The following ALK variants were observed in gnomAD, a reference collection of about 807,000 sequenced individuals.
The protein encoded by ALK is ALK tyrosine kinase receptor.
ALK carries 74 observed loss-of-function variants against 163.1 expected under a neutral mutation model. The ratio of observed to expected loss-of-function variants is 0.45; its 90% CI spans 0.38 to 0.55. The LOEUF (loss-of-function observed/expected upper bound fraction) is 0.55, where lower values mean the gene tolerates loss of function less well. Among genes scored for constraint, ALK ranks in the 20% least tolerant of loss-of-function variants. The pLI, the probability that ALK is intolerant of heterozygous loss-of-function variation, is 0.00. For synonymous variants in ALK, 960 were observed against 843.2 expected, an observed-to-expected ratio of 1.14 and a Z score of -2.40; for missense variants, 2,063 against 2,105.3, an observed-to-expected ratio of 0.98 and a Z score of 0.39.
intron 3 of ALK, among the ~76,000 whole-genome samples, chr2:29,569,660 ACAAT>A (rs1331903372): frequency 2.0e-5 from 3 of 152,212 alleles, no homozygotes; most frequent in East Asian, 1.9e-4. Flanking sequence ...CATCACTCAA[ACAAT>A]CAAAGGGCAC....
rs565766065 is a variant in ALK at position 29,201,325 on chromosome 2, A to G, written c.3939-3649T>C. On this transcript the variant is annotated intron_variant, in intron 26 of 28. Coordinates refer to ENST00000389048, the MANE Select transcript of ALK (RefSeq NM_004304.5). ...CTCAAATTTAACATGCCCAAACGGA[A>G]CTCCTTCTGAACCCACACCATCTCC... 4.0e-5 allele frequency among the ~76,000 whole-genome samples: 6 copies of G among 151,864 alleles called. No homozygotes were observed. The East Asian group carries it at 1.2e-3, about 29-fold the overall frequency.
chr2:29,834,746 G>T (rs1001378638), intron 1 of ALK, among the ~76,000 whole-genome samples: 1 of 152,154 alleles, frequency 6.6e-6, no homozygotes, highest in African/African-American at 2.4e-5. Flanking sequence ...ATTGGCAGTT[G>T]GTCCCAAACC....
chr2:29,486,711 G>T (rs1464940886), intron 4 of ALK, among the ~76,000 whole-genome samples: 1 of 152,142 alleles, frequency 6.6e-6, no homozygotes. Context: ...CTTTCACAGT[G>T]TGTTTTGTCT....
chr2:29,534,597 C>A (rs1050188813), intron 3 of ALK, among the ~76,000 whole-genome samples: 81 of 152,176 alleles, frequency 5.3e-4, no homozygotes, highest in African/African-American at 1.9e-3. Context: ...GAGTAGAAAC[C>A]AGGAGTTTTC....
At position 29,763,690 on chromosome 2, in the gene ALK, G is replaced by A. The variant is rs138252400; in HGVS notation, c.668-45993C>T. On this transcript the variant is annotated intron_variant, in intron 1 of 28. Transcript: ENST00000389048. ...TAGCGAGGATTGAGGGTGCTGTCCC[G>A]CTGCCCCTTTCCTATCAGCTTTGAG... Among the ~76,000 whole-genome samples the A allele has an allele frequency of 3.6e-3, 553 of 152,172 alleles. 2 individuals carry two copies. Among genetic ancestry groups the A allele is most frequent in the Non-Finnish European group, 6.2e-3 (420 of 67,992 alleles).
chr2:29,211,689 T>C (rs1323212236), intron 24 of ALK, among the ~76,000 whole-genome samples: 1 of 152,240 alleles, frequency 6.6e-6, no homozygotes, highest in Non-Finnish European at 1.5e-5. Context: ...GGCAACTCTG[T>C]TGTGGGTATG....
At chr2:29,868,900 C>T (rs945286760) in intron 1 of ALK, among the ~76,000 whole-genome samples, 1 of 152,128 alleles carries the variant, frequency 6.6e-6, no homozygotes. Flanking sequence ...CTCCTGGCAC[C>T]CTTACTCTTG....
At position 29,532,115 on chromosome 2, in the gene ALK, G is replaced by A. The variant is rs1045878688; in HGVS notation, c.954C>T (p.Gly318=). ...GAERSKEMPR[G]SFLLLNTSAD... is the part of the protein sequence containing the mutation. ...CTGAGGTGTTGAGAAGGAGAAAGGA[G>A]CCTGGAAAGAGACAGGGAAAACGAA... The change falls in exon 4 of 29, where the codon GGC becomes GGT. Residue 318 remains glycine, a splice_region_variant and synonymous_variant. Coordinates refer to ENST00000389048, the MANE Select transcript of ALK (RefSeq NM_004304.5). 2 of 1,613,984 alleles carry A rather than the reference G, an allele frequency of 1.2e-6. No homozygotes were observed. Among genetic ancestry groups the A allele is most frequent in the Non-Finnish European group, 1.7e-6 (2 of 1,179,942 alleles).
chr2:29,669,321 T>C (rs1346265858), intron 3 of ALK, among the ~76,000 whole-genome samples: 1 of 152,116 alleles, frequency 6.6e-6, no homozygotes, highest in African/African-American at 2.4e-5. Context: ...TATCCTCTTC[T>C]TGAATTTGAC....
intron 2 of ALK, among the ~76,000 whole-genome samples, chr2:29,699,952 G>A (rs1031789191): frequency 6.6e-6 from 1 of 152,224 alleles, no homozygotes; most frequent in Admixed American, 6.5e-5. Flanking sequence ...CCTGCACAGA[G>A]CAGCTGAGAC....
intron 3 of ALK, among the ~76,000 whole-genome samples, chr2:29,648,531 G>A (rs1478602310): frequency 1.3e-5 from 2 of 151,964 alleles, no homozygotes; most frequent in African/African-American, 4.8e-5. Context: ...CCTAGTCTCT[G>A]GCAATCATCA....
intron 1 of ALK, among the ~76,000 whole-genome samples, chr2:29,745,019 A>G (rs57508822): frequency 0.063 from 9,639 of 152,210 alleles, 804 homozygotes; most frequent in African/African-American, 0.19. Flanking sequence ...CACGTATGCC[A>G]AAGATGTCTT....
chr2:29,828,174 G>C (rs1444839113), intron 1 of ALK, among the ~76,000 whole-genome samples: 1 of 152,170 alleles, frequency 6.6e-6, no homozygotes, highest in Non-Finnish European at 1.5e-5. Flanking sequence ...ATTCGAGATG[G>C]ATTAAAGACT....
In ALK at chr2:29,296,896, C is replaced by T. The variant is rs141025125; in HGVS notation, c.1809G>A (p.Val603=). ...AGATGCATAGAGCCTACCTGTCAGA[C>T]ACATCGAGGAGAGGCAACACCATCC... ...WQWMVLPLLD[V]SDRFWLQMVA... The change falls in exon 9 of 29, where the codon GTG becomes GTA. Residue 603 remains valine, a synonymous_variant. Transcript: ENST00000389048. 6.2e-7 allele frequency: 1 copy of T among 1,614,020 alleles called. No homozygotes were observed. Among genetic ancestry groups the T allele is most frequent in the Non-Finnish European group, 8.5e-7 (1 of 1,180,020 alleles).
intron 23 of ALK, among the ~76,000 whole-genome samples, chr2:29,218,403 C>T (rs1162679623): frequency 6.6e-6 from 1 of 152,142 alleles, no homozygotes; most frequent in Admixed American, 6.5e-5. Flanking sequence ...TGGGGACAGG[C>T]TCCTGTTCTG....
chr2:29,436,955 G>T (rs1008017463), intron 4 of ALK, among the ~76,000 whole-genome samples: 1 of 152,184 alleles, frequency 6.6e-6, no homozygotes, highest in African/African-American at 2.4e-5. Flanking sequence ...AGTGACAGAG[G>T]TAGTGAGGGG....
At chr2:29,901,473 A>T (rs1667413542) in intron 1 of ALK, among the ~76,000 whole-genome samples, 1 of 152,224 alleles carries the variant, frequency 6.6e-6, no homozygotes, top group African/African-American at 2.4e-5. Context: ...CCCGCTGTTT[A>T]TGCTAACTCA....
At chr2:29,661,914 G>A (rs1203424719) in intron 3 of ALK, among the ~76,000 whole-genome samples, 1 of 150,668 alleles carries the variant, frequency 6.6e-6, no homozygotes, top group African/African-American at 2.5e-5. Context: ...TTGTTTTATT[G>A]TTGTTGTTTT....
intron 9 of ALK, among the ~76,000 whole-genome samples, chr2:29,289,150 G>C (rs1665949874): frequency 6.6e-6 from 1 of 152,134 alleles, no homozygotes; most frequent in African/African-American, 2.4e-5. Context: ...AACGGGCACA[G>C]ATGCTTGGTT....
Sources: gnomAD v4.1 joint callset for allele counts (sites outside exome capture counted in the v4.1 genomes callset) on GRCh38, gnomAD v4.1.1 for gene constraint, MANE v1.5 for transcripts, NCBI Gene and HGNC (gene_info 2026-07-23, HGNC 2026-07-21) for gene names.